Variants in VPS4B observed in about 807,000 individuals in gnomAD.
VPS4B encodes the protein vacuolar protein sorting-associated protein 4B.
In VPS4B, 23 loss-of-function variants were observed where a neutral mutation model predicts 56.1. The ratio of observed to expected loss-of-function variants is 0.41; its 90% CI spans 0.30 to 0.58. The LOEUF (loss-of-function observed/expected upper bound fraction) is 0.58, where lower values mean the gene tolerates loss of function less well. Ranked by LOEUF, VPS4B falls within the 20% of genes least tolerant of loss-of-function variation. VPS4B has a pLI of 0.29. For missense variants in VPS4B, 372 were observed against 531.9 expected, an observed-to-expected ratio of 0.70 and a Z score of 2.96; for synonymous variants, 177 against 186.0, an observed-to-expected ratio of 0.95 and a Z score of 0.39.
At position 63,389,888 on chromosome 18, in the gene VPS4B, T is replaced by C. The variant is rs1915504870; in HGVS notation, c.*1087A>G. 1 of 152,638 alleles carries C rather than the reference T, an allele frequency of 6.6e-6. No homozygotes were observed. Among genetic ancestry groups the C allele is most frequent in the African/African-American group, 2.4e-5 (1 of 41,448 alleles). The allele number at this position is 152,638 out of a possible 1,614,324, so 9.5% of individuals were successfully genotyped here. On this transcript the variant is annotated 3_prime_UTR_variant, in exon 11 of 11. Transcript: ENST00000238497. Reference sequence around the variant, plus strand: ...ACAGTATTTCATGACAGTTAAAAATTACACACCTACCACCTGTTTTGGTCA... The same window carrying C: ...ACAGTATTTCATGACAGTTAAAAATCACACACCTACCACCTGTTTTGGTCA...
In VPS4B at chr18:63,407,575, C is replaced by T; in HGVS notation, c.297-76G>A. 2.6e-6 allele frequency: 3 copies of T among 1,172,360 alleles called. No individual in the cohort carries two copies. In the South Asian group the frequency reaches 4.4e-5, roughly 17 times the overall value. 72.6% of individuals were successfully genotyped at this position (1,172,360 alleles called of 1,614,324 possible). On this transcript the variant is annotated intron_variant, in intron 3 of 10. Coordinates refer to ENST00000238497, the MANE Select transcript of VPS4B (RefSeq NM_004869.4). ...AAGGCAAAAATGAAGGAAAAATTAA[C>T]CTGAAATATTTGTAATTTCAGTGGC... is the stretch of plus-strand genomic sequence containing the variant.
At chr18:63,405,720 G>C (rs915499257) in intron 4 of VPS4B, among the ~76,000 whole-genome samples, 3 of 152,068 alleles carry the variant, frequency 2.0e-5, no homozygotes, top group African/African-American at 7.2e-5. Context: ...CTCTTTGGGA[G>C]GCTGAAGTGG....
At chr18:63,419,872 A>C (rs2144443180) in intron 1 of VPS4B, among the ~76,000 whole-genome samples, 1 of 152,352 alleles carries the variant, frequency 6.6e-6, no homozygotes, top group East Asian at 1.9e-4. Context: ...ACATTATATA[A>C]TTTTGATTTT....
chr18:63,392,935 G>A (rs1434505755), intron 10 of VPS4B, among the ~76,000 whole-genome samples: 1 of 151,770 alleles, frequency 6.6e-6, no homozygotes, highest in Admixed American at 6.6e-5. Context: ...TAGGAGAGAT[G>A]GCATTTCACC....
At chr18:63,402,490 C>T (rs374800338) in intron 5 of VPS4B, among the ~76,000 whole-genome samples, 5 of 152,166 alleles carry the variant, frequency 3.3e-5, no homozygotes, top group Non-Finnish European at 7.3e-5. Flanking sequence ...GGCATGCTTG[C>T]TTTGTGACAA....
At chr18:63,391,227 ATTC>A (rs1793742756) in intron 10 of VPS4B, 151 bp from the exon 11 acceptor site, 5 of 472,050 alleles carry the variant, frequency 1.1e-5, no homozygotes, top group Non-Finnish European at 1.8e-5. Context: ...TAAACTCCCT[ATTC>A]TTTTTTTTTT....
chr18:63,389,649 T>C lies in VPS4B; in HGVS notation c.*1326A>G, dbSNP rs894719871. The C allele has an allele frequency of 1.3e-5, 2 of 152,640 alleles. No individual in the cohort carries two copies. Among genetic ancestry groups the C allele is most frequent in the South Asian group, 2.1e-4 (1 of 4,836 alleles). The allele number at this position is 152,640 out of a possible 1,614,324, so 9.5% of individuals were successfully genotyped here. On this transcript the variant is annotated 3_prime_UTR_variant, in exon 11 of 11. Transcript: ENST00000238497. ...TATTTTTTAATGAGTCATGAGCTCA[T>C]TTCTAAAGCTTCATAAAGCATTACA...
At chr18:63,407,675 T>C (rs1568088159) in intron 3 of VPS4B, among the ~76,000 whole-genome samples, 176 bp from the exon 4 acceptor site, 1 of 152,200 alleles carries the variant, frequency 6.6e-6, no homozygotes, top group Non-Finnish European at 1.5e-5. Flanking sequence ...AGTCACGTTA[T>C]CATCAATAGA....
chr18:63,389,423 T>A lies in VPS4B; in HGVS notation c.*1552A>T, dbSNP rs1188240257. On this transcript the variant is annotated 3_prime_UTR_variant, in exon 11 of 11. Coordinates refer to ENST00000238497, the MANE Select transcript of VPS4B (RefSeq NM_004869.4). The stretch of plus-strand genomic sequence containing the variant: ...ACATAGCATATGTAAAATGTGCAAA[T>A]ACACTTTAAAATGCAAGTTATTCTA... The A allele has an allele frequency of 1.3e-5, 2 of 152,608 alleles. No individual in the cohort carries two copies. The highest frequency in any genetic ancestry group is 1.3e-4 in the Admixed American group (2 of 15,278). 9.5% of individuals were successfully genotyped at this position (152,608 alleles called of 1,614,324 possible).
intron 2 of VPS4B, among the ~76,000 whole-genome samples, chr18:63,411,117 A>T (rs936970687): frequency 3.9e-5 from 6 of 152,218 alleles, no homozygotes; most frequent in African/African-American, 1.4e-4. Context: ...AAGAGCTATG[A>T]GGGCAGGGGT....
At chr18:63,405,760 G>A (rs1349859133) in intron 4 of VPS4B, among the ~76,000 whole-genome samples, 1 of 151,528 alleles carries the variant, frequency 6.6e-6, no homozygotes, top group Admixed American at 6.6e-5. Context: ...GAGTTCGAGA[G>A]CAGCCTGGGC....
intron 5 of VPS4B, among the ~76,000 whole-genome samples, chr18:63,401,442 C>A (rs1030692020): frequency 1.3e-5 from 2 of 151,958 alleles, no homozygotes; most frequent in African/African-American, 4.8e-5. Flanking sequence ...TTAGTAGAGA[C>A]GGGGTTTTAC....
intron 1 of VPS4B, among the ~76,000 whole-genome samples, chr18:63,418,428 T>A (rs925706409): frequency 7.2e-5 from 11 of 152,060 alleles, no homozygotes; most frequent in African/African-American, 2.7e-4. Flanking sequence ...TTTTTTTTTT[T>A]AGACAGGGTC....
Position 63,399,231 on chromosome 18 carries a change from T to C in VPS4B, c.872+11A>G. ...GCAGTGAGAAATAAGATATTTACTA[T>C]ATTATCCTACCTTCGCCTAATGGCA... On this transcript the variant is annotated intron_variant, in intron 8 of 10. Coordinates refer to ENST00000238497, the MANE Select transcript of VPS4B (RefSeq NM_004869.4). 1 of 1,606,296 alleles carries C rather than the reference T, an allele frequency of 6.2e-7. No homozygotes were observed. The highest frequency in any genetic ancestry group is 8.5e-7 in the Non-Finnish European group (1 of 1,173,600).
intron 5 of VPS4B, among the ~76,000 whole-genome samples, chr18:63,402,311 A>C (rs1915829477): frequency 6.6e-6 from 1 of 152,220 alleles, no homozygotes; most frequent in Admixed American, 6.5e-5. Context: ...TCTTTTCAAT[A>C]ACGTTACTAA....
intron 3 of VPS4B, among the ~76,000 whole-genome samples, chr18:63,409,482 T>G (rs1915986577): frequency 6.6e-6 from 1 of 152,162 alleles, no homozygotes; most frequent in Non-Finnish European, 1.5e-5. Flanking sequence ...GCCAGATAAC[T>G]CCATCCCAGA....
intron 8 of VPS4B, among the ~76,000 whole-genome samples, chr18:63,398,164 T>C (rs947149374): frequency 6.7e-6 from 1 of 150,052 alleles, no homozygotes; most frequent in Admixed American, 6.7e-5. Flanking sequence ...TGTGTATACA[T>C]ATATACATAT....
intron 3 of VPS4B, among the ~76,000 whole-genome samples, 193 bp downstream of exon 3, chr18:63,410,097 C>T (rs1174960447): frequency 4.6e-5 from 7 of 152,114 alleles, no homozygotes; most frequent in Non-Finnish European, 4.4e-5. Flanking sequence ...TGTTACGGCA[C>T]GAAAGCAGCC....
chr18:63,412,938 T>C (rs1307393512), intron 1 of VPS4B, among the ~76,000 whole-genome samples: 2 of 152,208 alleles, frequency 1.3e-5, no homozygotes, highest in Admixed American at 1.3e-4. Flanking sequence ...CTGGATCTTA[T>C]GACAAAACTT....
Sources: gnomAD v4.1 joint callset for allele counts (sites outside exome capture counted in the v4.1 genomes callset) on GRCh38, gnomAD v4.1.1 for gene constraint, MANE v1.5 for transcripts, NCBI Gene and HGNC (gene_info 2026-07-23, HGNC 2026-07-21) for gene names.